SORCS3: variants seen among roughly 807,000 people sequenced by gnomAD.
SORCS3 encodes sortilin related VPS10 domain containing receptor 3.
A neutral mutation model predicts 146.3 loss-of-function variants in SORCS3; 57 were observed. The ratio of observed to expected loss-of-function variants is 0.39; its 90% CI spans 0.31 to 0.49. The LOEUF (loss-of-function observed/expected upper bound fraction) is 0.49. Ranked by LOEUF, SORCS3 falls within the 20% of genes least tolerant of loss-of-function variation. The pLI is 0.92. For synonymous variants in SORCS3, 653 were observed against 618.5 expected (o/e 1.06, Z -0.83); for missense variants, 1,341 against 1,575.5 (o/e 0.85, Z 2.52).
At chr10:105,225,592 A>G (rs1189164069) in intron 20 of SORCS3, among the ~76,000 whole-genome samples, 1 of 151,940 alleles carries the variant, frequency 6.6e-6, no homozygotes, top group Non-Finnish European at 1.5e-5. Flanking sequence ...TATACTTTCA[A>G]ATCACTTTAT....
chr10:104,968,185 G>A (rs1165236913), intron 3 of SORCS3, among the ~76,000 whole-genome samples: 2 of 152,032 alleles, frequency 1.3e-5, no homozygotes, highest in African/African-American at 2.4e-5. Context: ...GTGCAATCTC[G>A]GCTCACTGCA....
intron 1 of SORCS3, among the ~76,000 whole-genome samples, chr10:104,808,637 A>G (rs1455973265): frequency 2.6e-5 from 4 of 152,234 alleles, no homozygotes; most frequent in Non-Finnish European, 5.9e-5. Context: ...CATGTAAATG[A>G]GATGGTGGAA....
intron 4 of SORCS3, among the ~76,000 whole-genome samples, chr10:105,020,626 C>T (rs541087536): frequency 1.3e-5 from 2 of 152,124 alleles, no homozygotes; most frequent in Non-Finnish European, 2.9e-5. Flanking sequence ...AATAAATAAA[C>T]CAAAACAACT....
intron 4 of SORCS3, among the ~76,000 whole-genome samples, chr10:105,040,774 A>G (rs1464276367): frequency 6.6e-6 from 1 of 151,982 alleles, no homozygotes; most frequent in East Asian, 1.9e-4. Context: ...AATTGAACAT[A>G]TATTGTAGTT....
At chr10:104,842,963 C>A in intron 2 of SORCS3, 104 bp downstream of exon 2, 1 of 891,718 alleles carries the variant, frequency 1.1e-6, no homozygotes. Context: ...AGAAGATAGT[C>A]CTCTTCCTGG....
intron 1 of SORCS3, among the ~76,000 whole-genome samples, chr10:104,807,151 CT>C (rs942722495): frequency 3.0e-5 from 4 of 134,078 alleles, no homozygotes; most frequent in African/African-American, 1.0e-4. Context: ...ATGGTCTGCT[CT>C]TTATAATCTC....
At chr10:104,853,924 A>G (rs2133555171) in intron 2 of SORCS3, among the ~76,000 whole-genome samples, 1 of 152,330 alleles carries the variant, frequency 6.6e-6, no homozygotes, top group East Asian at 1.9e-4. Flanking sequence ...TACCACTTAT[A>G]AAAACCTTGC....
chr10:105,213,171 A>C (rs1324133364), intron 17 of SORCS3, among the ~76,000 whole-genome samples: 1 of 152,178 alleles, frequency 6.6e-6, no homozygotes, highest in African/African-American at 2.4e-5. Flanking sequence ...GACAAAAAAG[A>C]TGTATATATG....
In SORCS3 at chr10:104,872,663, G is replaced by A. The variant is rs142031575; in HGVS notation, c.695+29804G>A. On this transcript the variant is annotated intron_variant, in intron 2 of 26. Coordinates refer to ENST00000369701, the MANE Select transcript of SORCS3 (RefSeq NM_014978.3). Reference sequence around the variant, plus strand: ...GAAATAGAGGGTGAATAACAAAGGCGAGTGAAGGAGAAAGTTCTTGCAATG... The same window carrying A: ...GAAATAGAGGGTGAATAACAAAGGCAAGTGAAGGAGAAAGTTCTTGCAATG... Among the ~76,000 whole-genome samples the A allele has an allele frequency of 2.5e-3, 383 of 151,564 alleles. 1 individual carries two copies. The highest frequency in any genetic ancestry group is 8.7e-3 in the African/African-American group (359 of 41,282).
At chr10:104,942,247 C>T (rs571751083) in intron 3 of SORCS3, among the ~76,000 whole-genome samples, 9 of 152,214 alleles carry the variant, frequency 5.9e-5, no homozygotes, top group African/African-American at 1.9e-4. Flanking sequence ...AGAGCAACTG[C>T]TGAAATATTT....
intron 1 of SORCS3, among the ~76,000 whole-genome samples, chr10:104,646,086 G>C (rs555306284): frequency 3.9e-4 from 60 of 152,334 alleles, no homozygotes; most frequent in Admixed American, 1.6e-3. Flanking sequence ...GGAAATGCAT[G>C]GGGACATAAC....
At chr10:104,797,637 GAAGTT>G (rs2017572727) in intron 1 of SORCS3, among the ~76,000 whole-genome samples, 1 of 152,134 alleles carries the variant, frequency 6.6e-6, no homozygotes, top group Admixed American at 6.6e-5. Context: ...TAGCTTTGGA[GAAGTT>G]AAGTAAACTG....
intron 2 of SORCS3, among the ~76,000 whole-genome samples, chr10:104,871,980 T>C (rs1380707879): frequency 6.6e-6 from 1 of 152,112 alleles, no homozygotes; most frequent in Non-Finnish European, 1.5e-5. Context: ...TGACTTCTGC[T>C]CTCTCACACC....
At chr10:104,850,541 G>C (rs1202506652) in intron 2 of SORCS3, among the ~76,000 whole-genome samples, 3 of 152,174 alleles carry the variant, frequency 2.0e-5, no homozygotes, top group Admixed American at 2.0e-4. Flanking sequence ...GCTGAGATCA[G>C]CTACTGCACT....
rs1242530334 is a variant in SORCS3 at position 104,819,004 on chromosome 10, G to A, written c.628-23788G>A. Among the ~76,000 whole-genome samples the A allele has an allele frequency of 2.7e-5, 4 of 150,186 alleles. No homozygotes were observed. The East Asian group carries it at 7.8e-4, about 29-fold the overall frequency. ...GACTTAATAATATCCATCCAAGCTG[G>A]AGATAAAATGAGGGAAAATGGAAAA... On this transcript the variant is annotated intron_variant, in intron 1 of 26. Coordinates refer to ENST00000369701, the MANE Select transcript of SORCS3 (RefSeq NM_014978.3).
At chr10:105,225,747 G>A (rs1360284108) in intron 20 of SORCS3, among the ~76,000 whole-genome samples, 1 of 151,924 alleles carries the variant, frequency 6.6e-6, no homozygotes, top group Non-Finnish European at 1.5e-5. Context: ...GTTATTTGAT[G>A]TCTTTCAACA....
rs1162969172 is a variant in SORCS3 at position 104,706,201 on chromosome 10, C to CTTTTTTTTT, written c.627+64264_627+64272dup. Among the ~76,000 whole-genome samples, 103 of 85,862 alleles carry CTTTTTTTTT rather than the reference C, an allele frequency of 1.2e-3. 3 individuals carry two copies. The highest frequency in any genetic ancestry group is 1.6e-3 in the African/African-American group (31 of 19,900). 56.3% of individuals were successfully genotyped at this position (85,862 alleles called of 152,430 possible). A position where few individuals can be genotyped will look rare whatever the true frequency, so the allele number is the denominator to read the frequency against. On this transcript the variant is annotated intron_variant, in intron 1 of 26. Coordinates refer to ENST00000369701, the MANE Select transcript of SORCS3 (RefSeq NM_014978.3). ...TTGTTTGTTTGTTTCTTTTCTTCTT[C>CTTTTTTTTT]TTTTTTTTTTTTTTTTTTTTTTTTT...
At chr10:105,028,063 T>G (rs2055242443) in intron 4 of SORCS3, among the ~76,000 whole-genome samples, 1 of 152,176 alleles carries the variant, frequency 6.6e-6, no homozygotes, top group South Asian at 2.1e-4. Flanking sequence ...CTAAATCAGG[T>G]TTTGCAGTGG....
chr10:105,158,273 A>G (rs2056229672), intron 10 of SORCS3, among the ~76,000 whole-genome samples: 1 of 152,172 alleles, frequency 6.6e-6, no homozygotes, highest in Non-Finnish European at 1.5e-5. Context: ...TGTCTCTGTA[A>G]ATCCCCAAGC....
Sources: allele counts gnomAD v4.1 joint callset (sites outside exome capture counted in the v4.1 genomes callset), GRCh38; gene constraint gnomAD v4.1.1; transcripts MANE v1.5; gene names NCBI Gene and HGNC (gene_info 2026-07-23, HGNC 2026-07-21).